GRIK3: variants seen among roughly 807,000 people sequenced by gnomAD.
The protein encoded by GRIK3 is glutamate ionotropic receptor kainate type subunit 3.
Under a neutral mutation model 102.5 loss-of-function variants are expected in GRIK3, and 29 were observed. The ratio of observed to expected loss-of-function variants is 0.28; its 90% confidence interval spans 0.21 to 0.39. GRIK3 has a LOEUF of 0.39. GRIK3 is among the 10% of genes least tolerant of loss of function. The pLI, the probability that GRIK3 is intolerant of heterozygous loss-of-function variation, is 1.00. For synonymous variants in GRIK3, 511 were observed against 504.9 expected, an observed-to-expected ratio of 1.01 and a Z score of -0.16; for missense variants, 908 against 1,252.4, an observed-to-expected ratio of 0.73 and a Z score of 4.15.
At chr1:37,019,875 C>T (rs1449524252) in intron 1 of GRIK3, among the ~76,000 whole-genome samples, 2 of 152,212 alleles carry the variant, frequency 1.3e-5, no homozygotes, top group African/African-American at 4.8e-5. Flanking sequence ...AAGTAGCCCT[C>T]ACTTTGTAGC....
intron 1 of GRIK3, among the ~76,000 whole-genome samples, chr1:36,922,671 G>A (rs977619887): frequency 6.6e-6 from 1 of 152,188 alleles, no homozygotes; most frequent in African/African-American, 2.4e-5. Context: ...TCCACTCTAT[G>A]CCTGTGCTTG....
At chr1:37,018,441 T>TA (rs1409477055) in intron 1 of GRIK3, among the ~76,000 whole-genome samples, 3 of 152,134 alleles carry the variant, frequency 2.0e-5, no homozygotes, top group African/African-American at 7.2e-5. Flanking sequence ...CCGCAACCCT[T>TA]AGAGATTTAC....
Position 36,821,764 on chromosome 1 carries a change from G to A in GRIK3, c.1755-1910C>T, listed in dbSNP as rs190879132. ...GGCTGTGTGGGGAGTGGGCCATGAA[G>A]AGAGGCCTTGCCAGAGGGGGCCACT... is the stretch of plus-strand genomic sequence containing the variant. On this transcript the variant is annotated intron_variant, in intron 11 of 15. Coordinates refer to ENST00000373091, the MANE Select transcript of GRIK3 (RefSeq NM_000831.4). Among the ~76,000 whole-genome samples, 34 of 152,338 alleles carry A rather than the reference G, an allele frequency of 2.2e-4. No homozygotes were observed. The East Asian group carries it at 6.2e-3, about 28-fold the overall frequency.
chr1:36,945,356 C>T (rs1318721497), intron 1 of GRIK3, among the ~76,000 whole-genome samples: 1 of 152,152 alleles, frequency 6.6e-6, no homozygotes, highest in African/African-American at 2.4e-5. Flanking sequence ...CTAGAGGGGG[C>T]CTGAGCCAGT....
intron 5 of GRIK3, among the ~76,000 whole-genome samples, chr1:36,868,525 G>T (rs1165358432): frequency 1.3e-5 from 2 of 152,190 alleles, no homozygotes; most frequent in Non-Finnish European, 2.9e-5. Context: ...CAGCTCTCTG[G>T]GGGAGGCGGC....
intron 1 of GRIK3, among the ~76,000 whole-genome samples, chr1:36,985,792 C>T (rs1343880359): frequency 2.6e-5 from 4 of 152,200 alleles, no homozygotes; most frequent in Non-Finnish European, 5.9e-5. Context: ...CTCCCCAGAA[C>T]TCCTGCCACA....
chr1:36,906,704 GCAGA>G (rs1271356927), intron 1 of GRIK3, among the ~76,000 whole-genome samples: 1 of 152,176 alleles, frequency 6.6e-6, no homozygotes, highest in African/African-American at 2.4e-5. Flanking sequence ...GCTGGCAGCC[GCAGA>G]CAATGTGTCA....
chr1:36,937,303 T>C (rs1272552873), intron 1 of GRIK3, among the ~76,000 whole-genome samples: 1 of 152,108 alleles, frequency 6.6e-6, no homozygotes, highest in African/African-American at 2.4e-5. Context: ...ATCAGCTTCC[T>C]AGATGGCTAA....
intron 10 of GRIK3, among the ~76,000 whole-genome samples, chr1:36,833,129 T>G (rs1053107105): frequency 7.9e-5 from 12 of 152,084 alleles, no homozygotes; most frequent in African/African-American, 2.9e-4. Flanking sequence ...CTCAATCAAA[T>G]TTTGCTGGAA....
At chr1:36,958,155 C>CCGAGTCTGTGTGCCCTGTGAG (rs1641947294) in intron 1 of GRIK3, among the ~76,000 whole-genome samples, 1 of 127,708 alleles carries the variant, frequency 7.8e-6, no homozygotes, top group Non-Finnish European at 1.6e-5. Flanking sequence ...ACTCTGTGCC[C>CCGAGTCTGTGTGCCCTGTGAG]TGAGTCTGTG....
intron 1 of GRIK3, among the ~76,000 whole-genome samples, chr1:36,971,700 T>A (rs1642143393): frequency 6.6e-6 from 1 of 152,162 alleles, no homozygotes; most frequent in Non-Finnish European, 1.5e-5. Flanking sequence ...CTGGGTGGCC[T>A]TCGGCAGCTC....
chr1:36,966,080 G>A (rs1208733550), intron 1 of GRIK3, among the ~76,000 whole-genome samples: 1 of 152,226 alleles, frequency 6.6e-6, no homozygotes, highest in Non-Finnish European at 1.5e-5. Flanking sequence ...AGAGAAATAT[G>A]CCCCATGGTC....
chr1:36,958,430 A>AGC (rs774252745), intron 1 of GRIK3, among the ~76,000 whole-genome samples: 7 of 93,648 alleles, frequency 7.5e-5, no homozygotes, highest in East Asian at 6.9e-4. Flanking sequence ...GTGCCCCGTG[A>AGC]CTCTGTGCCC....
chr1:36,848,843 G>C (rs1427553829), intron 9 of GRIK3, among the ~76,000 whole-genome samples: 1 of 150,902 alleles, frequency 6.6e-6, no homozygotes, highest in Admixed American at 6.6e-5. Flanking sequence ...GGTTTTAGCA[G>C]ACTGATTTTT....
intron 1 of GRIK3, among the ~76,000 whole-genome samples, chr1:36,969,955 G>A (rs1642123910): frequency 6.6e-6 from 1 of 152,192 alleles, no homozygotes. Context: ...AAAAAATTTG[G>A]CAGGGGAAAA....
intron 12 of GRIK3, among the ~76,000 whole-genome samples, chr1:36,817,924 T>A (rs1243901761): frequency 3.3e-5 from 5 of 152,012 alleles, no homozygotes; most frequent in Admixed American, 2.0e-4. Context: ...GAAAAAAAAA[T>A]CAACACTTTT....
intron 10 of GRIK3, among the ~76,000 whole-genome samples, chr1:36,839,616 C>A (rs905279247): frequency 2.0e-5 from 3 of 152,168 alleles, no homozygotes; most frequent in Non-Finnish European, 2.9e-5. Context: ...TGACTTAGTC[C>A]TCCTAACAAT....
chr1:36,902,027 T>C (rs10796892), intron 1 of GRIK3, among the ~76,000 whole-genome samples: 89,993 of 152,122 alleles, frequency 0.59, 31,954 homozygotes, highest in East Asian at 0.86. Flanking sequence ...TAACAAAATA[T>C]GTACAAGATA....
chr1:36,815,864 T>C (rs1231924800), intron 13 of GRIK3, among the ~76,000 whole-genome samples: 4 of 152,008 alleles, frequency 2.6e-5, no homozygotes, highest in African/African-American at 9.7e-5. Flanking sequence ...GGTTCAAGCC[T>C]TTCTTCTGCC....
Sources: gnomAD v4.1 joint callset for allele counts (sites outside exome capture counted in the v4.1 genomes callset) on GRCh38, gnomAD v4.1.1 for gene constraint, MANE v1.5 for transcripts, NCBI Gene and HGNC (gene_info 2026-07-23, HGNC 2026-07-21) for gene names.